Variants in PTPRE observed in about 807,000 individuals in gnomAD.
PTPRE encodes the protein receptor-type tyrosine-protein phosphatase epsilon.
PTPRE carries 51 observed loss-of-function variants against 102.0 expected under a neutral mutation model. The ratio of observed to expected loss-of-function variants is 0.50; its 90% CI spans 0.40 to 0.63. PTPRE has a LOEUF of 0.63. Among genes scored for constraint, PTPRE ranks in the 30% least tolerant of loss-of-function variants. The pLI is 0.00. For synonymous variants in PTPRE, 345 were observed against 348.2 expected (o/e 0.99, Z 0.10); for missense variants, 752 against 915.1 (o/e 0.82, Z 2.30).
chr10:128,039,246 C>CG (rs1308996391), intron 2 of PTPRE, among the ~76,000 whole-genome samples: 1 of 152,136 alleles, frequency 6.6e-6, no homozygotes, highest in Non-Finnish European at 1.5e-5. Context: ...CAGCATGCAG[C>CG]GGGGGTGAGG....
Position 128,068,175 on chromosome 10 carries a change from C to T in PTPRE, c.896C>T (p.Thr299Ile). The T allele has an allele frequency of 6.2e-7, 1 of 1,614,150 alleles. No homozygotes were observed. Among genetic ancestry groups the T allele is most frequent in the East Asian group, 2.2e-5 (1 of 44,868 alleles). The change falls in exon 12 of 21, where the codon ACC becomes ATC. Residue 299 changes from threonine (T) to isoleucine (I), a missense_variant. Thr to Ile is a moderately conservative substitution (Grantham distance 89). Coordinates refer to ENST00000254667, the MANE Select transcript of PTPRE (RefSeq NM_006504.6). ...AGGCTGGTCTCACAGCTGCACTTCA[C>T]CAGCTGGCCCGACTTCGGAGTGCCT... The part of the protein sequence containing the change: ...APRLVSQLHF[T>I]SWPDFGVPFT...
intron 10 of PTPRE, among the ~76,000 whole-genome samples, chr10:128,065,038 C>T (rs1311755874): frequency 2.0e-5 from 3 of 152,216 alleles, no homozygotes; most frequent in Non-Finnish European, 4.4e-5. Context: ...AGGGCCAAGA[C>T]TCACCCAAAC....
chr10:128,044,219 C>G (rs1453318002), intron 3 of PTPRE, among the ~76,000 whole-genome samples: 1 of 152,194 alleles, frequency 6.6e-6, no homozygotes, highest in East Asian at 1.9e-4. Context: ...GGACCTTAAA[C>G]CATTGTCTGC....
At chr10:128,030,919 C>G (rs1038725809) in intron 2 of PTPRE, among the ~76,000 whole-genome samples, 1 of 152,242 alleles carries the variant, frequency 6.6e-6, no homozygotes, top group African/African-American at 2.4e-5. Context: ...CAGGGCGCCC[C>G]TACCACATCG....
chr10:128,042,070 A>G (rs1847741073), intron 3 of PTPRE, among the ~76,000 whole-genome samples: 1 of 152,222 alleles, frequency 6.6e-6, no homozygotes, highest in Non-Finnish European at 1.5e-5. Flanking sequence ...AGAGACCAGA[A>G]GCTGCCCGCA....
chr10:128,022,385 G>A (rs1017488515), intron 2 of PTPRE, among the ~76,000 whole-genome samples: 2 of 152,256 alleles, frequency 1.3e-5, no homozygotes, highest in Non-Finnish European at 2.9e-5. Flanking sequence ...GTCCCTGAAG[G>A]GGGAATCCCA....
intron 1 of PTPRE, among the ~76,000 whole-genome samples, chr10:127,975,047 A>G (rs960283485): frequency 3.3e-5 from 5 of 152,206 alleles, no homozygotes; most frequent in Non-Finnish European, 7.3e-5. Context: ...AGGGCAGCCC[A>G]GAGGGCTCAG....
chr10:127,941,919 G>T (rs1328703945), intron 1 of PTPRE, among the ~76,000 whole-genome samples: 3 of 152,182 alleles, frequency 2.0e-5, no homozygotes, highest in African/African-American at 7.2e-5. Context: ...CCAGTGAGAA[G>T]TTGGGCAACC....
Position 128,044,043 on chromosome 10 carries a change from C to T in PTPRE, c.109+3053C>T, listed in dbSNP as rs116988997. On this transcript the variant is annotated intron_variant, in intron 3 of 20. Transcript: ENST00000254667. ...ACAGTCCGTGAAGCTGTAGATGAAA[C>T]GAGAGGAGTAGTATGGTCTATTTAT... Among the ~76,000 whole-genome samples the T allele has an allele frequency of 8.3e-3, 1,269 of 152,124 alleles. 9 individuals carry two copies. Among genetic ancestry groups the T allele is most frequent in the Non-Finnish European group, 0.014 (948 of 68,006 alleles).
intron 2 of PTPRE, among the ~76,000 whole-genome samples, chr10:128,025,158 CAAAAAAAAAAAAA>C (rs71472683): frequency 6.7e-4 from 44 of 65,790 alleles, no homozygotes; most frequent in Admixed American, 5.5e-3. Flanking sequence ...GATCCTGTCT[CAAAAAAAAAAAAA>C]AAAAAAAAAA....
At chr10:128,022,644 T>C (rs1185628485) in intron 2 of PTPRE, among the ~76,000 whole-genome samples, 3 of 152,176 alleles carry the variant, frequency 2.0e-5, no homozygotes, top group Non-Finnish European at 2.9e-5. Context: ...GAGAGGGCCC[T>C]GACTCACAGG....
intron 2 of PTPRE, among the ~76,000 whole-genome samples, chr10:128,027,878 G>A (rs1239881786): frequency 6.6e-6 from 1 of 152,134 alleles, no homozygotes; most frequent in African/African-American, 2.4e-5. Flanking sequence ...GGCTGAAAGA[G>A]GGCAGGTGAC....
At chr10:127,969,880 C>G (rs1194360029) in intron 1 of PTPRE, among the ~76,000 whole-genome samples, 1 of 151,702 alleles carries the variant, frequency 6.6e-6, no homozygotes, top group African/African-American at 2.4e-5. Context: ...CTGGAGCATC[C>G]GTGGCTTTGC....
chr10:127,925,072 C>T (rs1353789450), intron 1 of PTPRE, among the ~76,000 whole-genome samples: 1 of 152,240 alleles, frequency 6.6e-6, no homozygotes, highest in Non-Finnish European at 1.5e-5. Flanking sequence ...TCTTACCTGC[C>T]TGAAGCCAGC....
At chr10:128,059,848 G>A (rs1051683436) in intron 7 of PTPRE, among the ~76,000 whole-genome samples, 3 of 152,108 alleles carry the variant, frequency 2.0e-5, no homozygotes, top group South Asian at 2.1e-4. Flanking sequence ...CTTCTTAATA[G>A]TTCTATGGAG....
intron 5 of PTPRE, 130 bp from the exon 6 acceptor site, chr10:128,049,400 T>C: frequency 8.4e-7 from 1 of 1,183,872 alleles, no homozygotes; most frequent in Non-Finnish European, 1.2e-6. Context: ...AGCCCAGCTA[T>C]GCGATTTGAG....
chr10:128,054,341 G>A (rs553371523), intron 6 of PTPRE, among the ~76,000 whole-genome samples: 38 of 152,140 alleles, frequency 2.5e-4, no homozygotes, highest in Non-Finnish European at 4.0e-4. Flanking sequence ...CATGCCTCCC[G>A]TGTATTTTCA....
intron 10 of PTPRE, among the ~76,000 whole-genome samples, chr10:128,064,627 C>T (rs1373661273): frequency 2.6e-5 from 4 of 152,212 alleles, no homozygotes; most frequent in Non-Finnish European, 4.4e-5. Context: ...CAAGGACGCC[C>T]TCACTTCCCT....
At chr10:128,068,314 C>A in intron 12 of PTPRE, 28 bp downstream of exon 12, 1 of 1,593,260 alleles carries the variant, frequency 6.3e-7, no homozygotes, top group Non-Finnish European at 8.6e-7. Context: ...CGGGGCGGGA[C>A]CCTCAAGGGC....
Sources: allele counts gnomAD v4.1 joint callset (sites outside exome capture counted in the v4.1 genomes callset), GRCh38; gene constraint gnomAD v4.1.1; transcripts MANE v1.5; gene names NCBI Gene and HGNC (gene_info 2026-07-23, HGNC 2026-07-21).